Variants in ZNRF3 observed in about 807,000 individuals in gnomAD.
ZNRF3 encodes zinc and ring finger 3.
In ZNRF3, 23 loss-of-function variants were observed where a neutral mutation model predicts 72.5. That is an observed-to-expected ratio of 0.32 (90% CI 0.23 to 0.45). ZNRF3 has a LOEUF of 0.45. ZNRF3 is among the 20% of genes least tolerant of loss of function. The pLI is 1.00. For missense variants in ZNRF3, 1,169 were observed against 1,272.1 expected, an observed-to-expected ratio of 0.92 and a Z score of 1.23; for synonymous variants, 610 against 545.3, an observed-to-expected ratio of 1.12 and a Z score of -1.65.
At chr22:29,031,567 G>A in intron 2 of ZNRF3, 1 of 985,424 alleles carries the variant, frequency 1.0e-6, no homozygotes, top group Non-Finnish European at 1.2e-6. Flanking sequence ...ATGTTCAAGA[G>A]CCTGGTGCCT....
intron 1 of ZNRF3, among the ~76,000 whole-genome samples, chr22:28,914,409 C>G (rs1415784027): frequency 6.6e-6 from 1 of 151,232 alleles, no homozygotes; most frequent in East Asian, 1.9e-4. Flanking sequence ...AGATATCCCC[C>G]ATTGAGATGC....
At chr22:28,969,882 G>A (rs936515149) in intron 1 of ZNRF3, among the ~76,000 whole-genome samples, 3 of 152,152 alleles carry the variant, frequency 2.0e-5, no homozygotes, top group Non-Finnish European at 2.9e-5. Context: ...CAGGGGAGGT[G>A]CTGGAAAGTG....
At chr22:28,982,497 T>C (rs1452699780) in intron 1 of ZNRF3, among the ~76,000 whole-genome samples, 5 of 130,496 alleles carry the variant, frequency 3.8e-5, no homozygotes, top group Non-Finnish European at 8.0e-5. Flanking sequence ...GCCTAGGGGG[T>C]CGAGGTTGCA....
Position 28,937,209 on chromosome 22 carries a change from ATATATATTTTTTTTT to A in ZNRF3, c.301-49865_301-49851del, listed in dbSNP as rs1189124156. Among the ~76,000 whole-genome samples, 7 of 2,708 alleles carry A rather than the reference ATATATATTTTTTTTT, an allele frequency of 2.6e-3. No homozygotes were observed. The East Asian group carries it at 0.095, about 37-fold the overall frequency. 1.8% of individuals were successfully genotyped at this position (2,708 alleles called of 152,430 possible). ...TATATATATATATATATATATATAT[ATATATATTTTTTTTT>A]TTTTTTTTTTTTTTAACAAAAGGAA... On this transcript the variant is annotated intron_variant, in intron 1 of 8. Transcript: ENST00000544604.
chr22:28,980,377 A>C (rs775554158), intron 1 of ZNRF3, among the ~76,000 whole-genome samples: 6 of 152,244 alleles, frequency 3.9e-5, no homozygotes, highest in Non-Finnish European at 5.9e-5. Flanking sequence ...ATAATTTTAA[A>C]AATCAAGGTT....
intron 1 of ZNRF3, among the ~76,000 whole-genome samples, chr22:28,967,839 C>G (rs1368989209): frequency 6.6e-6 from 1 of 150,838 alleles, no homozygotes; most frequent in Non-Finnish European, 1.5e-5. Context: ...GCAGGAGGAT[C>G]GCTTGAGCCC....
chr22:29,022,255 G>A (rs1342907690), intron 2 of ZNRF3, among the ~76,000 whole-genome samples: 1 of 152,190 alleles, frequency 6.6e-6, no homozygotes, highest in Non-Finnish European at 1.5e-5. Flanking sequence ...CAGGATGATT[G>A]AAGTTACCTA....
At chr22:28,946,207 C>T (rs918187544) in intron 1 of ZNRF3, among the ~76,000 whole-genome samples, 1 of 152,174 alleles carries the variant, frequency 6.6e-6, no homozygotes, top group Non-Finnish European at 1.5e-5. Context: ...TTAATTGACT[C>T]TTCACCCCCC....
chr22:28,960,277 T>A (rs956856303), intron 1 of ZNRF3, among the ~76,000 whole-genome samples: 4 of 152,218 alleles, frequency 2.6e-5, no homozygotes, highest in Non-Finnish European at 4.4e-5. Flanking sequence ...AAACTTTACA[T>A]GGAGTGAAAT....
chr22:29,037,421 A>T (rs945379285), intron 2 of ZNRF3, among the ~76,000 whole-genome samples: 10 of 152,220 alleles, frequency 6.6e-5, no homozygotes, highest in African/African-American at 2.4e-4. Flanking sequence ...TAGTAAAAGC[A>T]CTTCCTTATG....
chr22:28,997,294 G>A (rs1039883140), intron 2 of ZNRF3, among the ~76,000 whole-genome samples: 4 of 151,770 alleles, frequency 2.6e-5, no homozygotes, highest in Non-Finnish European at 4.4e-5. Context: ...TGACGGTATC[G>A]TACCTTCCCT....
At chr22:29,022,184 C>CA (rs2036553330) in intron 2 of ZNRF3, among the ~76,000 whole-genome samples, 2 of 152,208 alleles carry the variant, frequency 1.3e-5, no homozygotes, top group African/African-American at 4.8e-5. Context: ...AACAGTAGTT[C>CA]ATTTCTTTTT....
chr22:28,903,717 G>A (rs2034153774), intron 1 of ZNRF3, among the ~76,000 whole-genome samples: 1 of 152,020 alleles, frequency 6.6e-6, no homozygotes, highest in East Asian at 1.9e-4. Context: ...CTTTCTGAAG[G>A]TGTGTTTTTT....
At chr22:28,957,595 A>G (rs1467777804) in intron 1 of ZNRF3, among the ~76,000 whole-genome samples, 2 of 151,786 alleles carry the variant, frequency 1.3e-5, no homozygotes, top group Non-Finnish European at 2.9e-5. Flanking sequence ...ACACACCACC[A>G]TGTCCAGCTA....
rs535067480 is a variant in ZNRF3, at chr22:29,049,086, G to T, written c.1016-111G>T. 4.9e-6 allele frequency: 6 copies of T among 1,229,290 alleles called. No individual in the cohort carries two copies. In the Admixed American group the frequency reaches 1.2e-4, roughly 24 times the overall value. The allele number at this position is 1,229,290 out of a possible 1,614,324, so 76.1% of individuals were successfully genotyped here. On this transcript the variant is annotated intron_variant, in intron 7 of 8. Transcript: ENST00000544604. This position sits in a 1 kb window ranked among gnomAD's most constrained non-coding sequence, Gnocchi z 5.2. ...GCAGGGTTGTGAGAATGGGTACCTTGGCAGGTGACCAAGCCTGCTGCTTCA... is the reference window on the plus strand; with the variant it reads ...GCAGGGTTGTGAGAATGGGTACCTTTGCAGGTGACCAAGCCTGCTGCTTCA...
intron 1 of ZNRF3, among the ~76,000 whole-genome samples, chr22:28,965,796 G>A (rs917045935): frequency 6.6e-6 from 1 of 152,120 alleles, no homozygotes; most frequent in African/African-American, 2.4e-5. Context: ...TAAGTCAAAG[G>A]CCCCAATTTA....
At position 29,053,682 on chromosome 22, in the gene ZNRF3, TTTCAAAAAACAAAAACAA is replaced by T; in HGVS notation, c.*61_*78del. ...TGTATGGAGACTCCAAACTGACTTC[TTTCAAAAAACAAAAACAA>T]AAAATTTTTTTAGCTTTGACAAACA... is the stretch of plus-strand genomic sequence containing the variant. On this transcript the variant is annotated 3_prime_UTR_variant, in exon 9 of 9. Coordinates refer to ENST00000544604, the MANE Select transcript of ZNRF3 (RefSeq NM_001206998.2). 1.3e-6 allele frequency: 2 copies of T among 1,525,962 alleles called. No individual in the cohort carries two copies. Among genetic ancestry groups the T allele is most frequent in the East Asian group, 4.6e-5 (2 of 43,358 alleles). The allele number at this position is 1,525,962 out of a possible 1,614,324, so 94.5% of individuals were successfully genotyped here.
At chr22:28,922,140 C>T (rs1199582398) in intron 1 of ZNRF3, among the ~76,000 whole-genome samples, 2 of 152,104 alleles carry the variant, frequency 1.3e-5, no homozygotes, top group Non-Finnish European at 2.9e-5. Context: ...GTGGAATTTC[C>T]ACTTGTGGTG....
At chr22:28,948,179 A>G (rs5762909) in intron 1 of ZNRF3, among the ~76,000 whole-genome samples, 1 of 151,222 alleles carries the variant, frequency 6.6e-6, no homozygotes, top group Non-Finnish European at 1.5e-5. Flanking sequence ...AAATTTTTTT[A>G]AAAAAGATGT....
Sources: allele counts gnomAD v4.1 joint callset (sites outside exome capture counted in the v4.1 genomes callset), GRCh38; gene constraint gnomAD v4.1.1; non-coding constraint Gnocchi (gnomAD v3.1); transcripts MANE v1.5; gene names NCBI Gene and HGNC (gene_info 2026-07-23, HGNC 2026-07-21).